Variants in RPS10 observed in about 807,000 individuals in gnomAD.
The protein encoded by RPS10 is ribosomal protein S10.
Under a neutral mutation model 22.6 loss-of-function variants are expected in RPS10, and 2 were observed. That is an observed-to-expected ratio of 0.09 (90% CI 0.04 to 0.28). RPS10 has a LOEUF of 0.28. Among genes scored for constraint, RPS10 ranks in the 10% least tolerant of loss-of-function variants. The pLI is 1.00. For synonymous variants in RPS10, 70 were observed against 75.9 expected, an observed-to-expected ratio of 0.92 and a Z score of 0.40; for missense variants, 137 against 222.2, an observed-to-expected ratio of 0.62 and a Z score of 2.44.
At chr6:34,419,546 T>A (rs1256056787) in intron 4 of RPS10, among the ~76,000 whole-genome samples, 1 of 150,890 alleles carries the variant, frequency 6.6e-6, no homozygotes, top group Non-Finnish European at 1.5e-5. Flanking sequence ...CACGTTTAGA[T>A]ATTTTTTAAA....
chr6:34,421,623 G>C, intron 4 of RPS10, 107 bp downstream of exon 4: 1 of 1,249,614 alleles, frequency 8.0e-7, no homozygotes, highest in African/African-American at 1.5e-5. Context: ...AATCTTTCCT[G>C]GTCATTTTGT....
chr6:34,421,817 T>C lies in RPS10; in HGVS notation c.323-10A>G. On this transcript the variant is annotated splice_polypyrimidine_tract_variant and intron_variant, in intron 3 of 5. Coordinates refer to ENST00000648437, the MANE Select transcript of RPS10 (RefSeq NM_001014.5). Reference sequence around the variant, plus strand: ...CGCTCACCCTCCAGACCTATGTAAATCAAACCACACTGTGAACACAGGGCA... The same window carrying C: ...CGCTCACCCTCCAGACCTATGTAAACCAAACCACACTGTGAACACAGGGCA... The C allele has an allele frequency of 6.2e-7, 1 of 1,613,820 alleles. No homozygotes were observed. The highest frequency in any genetic ancestry group is 8.5e-7 in the Non-Finnish European group (1 of 1,179,844).
intron 5 of RPS10, chr6:34,418,099 G>C: frequency 7.8e-7 from 1 of 1,279,202 alleles, no homozygotes; most frequent in Non-Finnish European, 1.1e-6. Flanking sequence ...CCACCTTCCA[G>C]TGTTTAGTTC....
intron 5 of RPS10, 110 bp from the exon 6 acceptor site, chr6:34,417,657 C>T: frequency 1.9e-6 from 2 of 1,027,042 alleles, no homozygotes; most frequent in East Asian, 2.5e-5. Context: ...CAAATGTAAA[C>T]AGCTGGGAGA....
In RPS10 at chr6:34,420,987, GAC is replaced by G. The variant is rs565662013; in HGVS notation, c.400+741_400+742del. Among the ~76,000 whole-genome samples the G allele has an allele frequency of 2.1e-4, 31 of 148,444 alleles. No individual in the cohort carries two copies. The South Asian group carries it at 6.4e-3, about 31-fold the overall frequency. On this transcript the variant is annotated intron_variant, in intron 4 of 5. Transcript: ENST00000648437. ...CTTGCCACTGCACTCCAGCCTGGGT[GAC>G]AGAGCGAGACTGTCTCAAAAATGAA...
intron 5 of RPS10, chr6:34,418,033 T>A (rs1463370378): frequency 1.4e-6 from 1 of 737,930 alleles, no homozygotes; most frequent in Admixed American, 2.7e-5. Flanking sequence ...TAACATTACA[T>A]CAACTGAAAA....
Position 34,417,511 on chromosome 6 carries a change from G to A in RPS10, c.493C>T (p.Gln165Ter). Residue 165 changes from glutamine to a stop codon, truncating the protein, a stop_gained, in exon 6 of 6, where the codon CAG becomes TAG. Transcript: ENST00000648437. LOFTEE classifies it high-confidence loss of function. ...CAAAAGAATCCTCTCCAATTTTACT[G>A]AGGTGGCTGACCACGTCCACGACCA... ...GFGRGRGQPP[Q>*] The A allele has an allele frequency of 6.2e-7, 1 of 1,612,386 alleles. No homozygotes were observed. Among genetic ancestry groups the A allele is most frequent in the Non-Finnish European group, 8.5e-7 (1 of 1,179,716 alleles).
intron 3 of RPS10, among the ~76,000 whole-genome samples, chr6:34,423,136 C>T (rs1372758525): frequency 1.3e-5 from 2 of 151,858 alleles, no homozygotes; most frequent in Non-Finnish European, 2.9e-5. Flanking sequence ...TACCCTGGAA[C>T]TTACCCGGAG....
chr6:34,420,273 T>C (rs1336105485), intron 4 of RPS10, among the ~76,000 whole-genome samples: 4 of 152,124 alleles, frequency 2.6e-5, no homozygotes, highest in Admixed American at 2.6e-4. Context: ...TGGAGTGCAG[T>C]GGCATGATCT....
At chr6:34,421,612 G>C in intron 4 of RPS10, 118 bp downstream of exon 4, 2 of 1,164,322 alleles carry the variant, frequency 1.7e-6, no homozygotes, top group Non-Finnish European at 1.3e-6. Flanking sequence ...GTGAAACCAA[G>C]AATCTTTCCT....
chr6:34,423,854 C>T lies in RPS10; in HGVS notation c.322+815G>A, dbSNP rs189378979. Reference sequence around the variant, plus strand: ...AGATCGCACCACTGCACTCCAGCCTCGGCAACAGAGTGAGACTCTGTCTCA... The same window carrying T: ...AGATCGCACCACTGCACTCCAGCCTTGGCAACAGAGTGAGACTCTGTCTCA... On this transcript the variant is annotated intron_variant, in intron 3 of 5. Transcript: ENST00000648437. Among the ~76,000 whole-genome samples, 520 of 152,104 alleles carry T rather than the reference C, an allele frequency of 3.4e-3. 5 individuals carry two copies. Among genetic ancestry groups the T allele is most frequent in the Admixed American group, 7.7e-3 (117 of 15,268 alleles).
In RPS10 at chr6:34,425,214, A is replaced by G; in HGVS notation, c.8T>C (p.Met3Thr). ...AATGGCAATCCGGTTCTTCTTAGGCATCAACATCTGCAAGAAGGAGACGAT... is the reference window on the plus strand; with the variant it reads ...AATGGCAATCCGGTTCTTCTTAGGCGTCAACATCTGCAAGAAGGAGACGAT... ML[M>T]PKKNRIAIYE... is the part of the protein sequence containing the mutation. The change falls in exon 2 of 6, where the codon ATG becomes ACG. Residue 3 changes from methionine (M) to threonine (T), a missense_variant. Met to Thr is a moderately conservative substitution (Grantham distance 81). Transcript: ENST00000648437. 3.1e-6 allele frequency: 5 copies of G among 1,609,910 alleles called. No individual in the cohort carries two copies. Among genetic ancestry groups the G allele is most frequent in the South Asian group, 1.1e-5 (1 of 90,546 alleles).
chr6:34,423,949 G>T (rs1765857770), intron 3 of RPS10, among the ~76,000 whole-genome samples: 1 of 151,822 alleles, frequency 6.6e-6, no homozygotes, highest in Non-Finnish European at 1.5e-5. Context: ...AGCTCCATAA[G>T]GTAACTCTCC....
At chr6:34,425,726 G>C (rs1765937301) in intron 1 of RPS10, 1 of 174,080 alleles carries the variant, frequency 5.7e-6, no homozygotes, top group Non-Finnish European at 1.3e-5. Flanking sequence ...TGCCAGGCAA[G>C]GAGGCAGTCG....
chr6:34,419,346 A>G (rs1268766574), intron 4 of RPS10, among the ~76,000 whole-genome samples: 1 of 151,792 alleles, frequency 6.6e-6, no homozygotes, highest in African/African-American at 2.4e-5. Context: ...TATTTTTTGT[A>G]GAGATGGGGT....
intron 4 of RPS10, among the ~76,000 whole-genome samples, chr6:34,419,880 GATTT>G (rs891699795): frequency 6.6e-6 from 1 of 151,890 alleles, no homozygotes; most frequent in African/African-American, 2.4e-5. Flanking sequence ...GCCCGGCCCT[GATTT>G]ATTTGAGTTG....
Position 34,424,794 on chromosome 6 carries a change from T to C in RPS10, c.197A>G (p.His66Arg). ...CTCATTGGTAAGGTACCAGTAGAAA[T>C]GTCTCCAGGCAAACTGTTCCTTCAC... ...GYVKEQFAWR[H>R]FYWYLTNEGI... The change falls in exon 3 of 6, where the codon CAT becomes CGT. Residue 66 changes from histidine (H) to arginine (R), a missense_variant. Physicochemically the swap from His to Arg is conservative, Grantham distance 29 (BLOSUM62 0). Transcript: ENST00000648437. The C allele has an allele frequency of 2.5e-6, 4 of 1,614,076 alleles. No homozygotes were observed. In the South Asian group the frequency reaches 3.3e-5, roughly 13 times the overall value.
intron 3 of RPS10, 118 bp from the exon 4 acceptor site, chr6:34,421,925 G>C: frequency 1.0e-6 from 1 of 986,120 alleles, no homozygotes. Flanking sequence ...GGTTAAGATG[G>C]GTTAATGGGG....
In RPS10 at chr6:34,418,405, G is replaced by A. The variant is rs1765648199; in HGVS notation, c.420C>T (p.Ala140=). 10 of 1,614,112 alleles carry A rather than the reference G, an allele frequency of 6.2e-6. No individual in the cohort carries two copies. Among genetic ancestry groups the A allele is most frequent in the Non-Finnish European group, 7.6e-6 (9 of 1,180,024 alleles). Residue 140 remains alanine (A), a synonymous_variant, in exon 5 of 6, where the codon GCC becomes GCT. Coordinates refer to ENST00000648437, the MANE Select transcript of RPS10 (RefSeq NM_001014.5). ...SAVPPGADKK[A]EAGAGSATEF... is the part of the protein sequence containing the mutation. ...CGGTTGCTGACCCAGCCCCAGCCTCGGCTTTCTTGTCGGCACCAGCTAGAA... is the reference window on the plus strand; with the variant it reads ...CGGTTGCTGACCCAGCCCCAGCCTCAGCTTTCTTGTCGGCACCAGCTAGAA...
Sources: gnomAD v4.1 joint callset for allele counts (sites outside exome capture counted in the v4.1 genomes callset) on GRCh38, gnomAD v4.1.1 for gene constraint, MANE v1.5 for transcripts, NCBI Gene and HGNC (gene_info 2026-07-23, HGNC 2026-07-21) for gene names.